Variants in NFS1 observed in about 807,000 individuals in gnomAD.
The protein encoded by NFS1 is cysteine desulfurase.
A neutral mutation model predicts 57.3 loss-of-function variants in NFS1; 26 were observed. The observed-to-expected ratio is 0.45, with a 90% CI of 0.33 to 0.63. The LOEUF (loss-of-function observed/expected upper bound fraction) is 0.63, where lower values mean the gene tolerates loss of function less well. Ranked by LOEUF, NFS1 falls within the 20% of genes least tolerant of loss-of-function variation. The pLI is 0.02. For synonymous variants in NFS1, 209 were observed against 216.3 expected (o/e 0.97, Z 0.30); for missense variants, 505 against 605.8 (o/e 0.83, Z 1.75).
intron 12 of NFS1, 50 bp downstream of exon 12, chr20:35,672,705 G>C (rs769594155): frequency 7.9e-7 from 1 of 1,263,806 alleles, no homozygotes; most frequent in Admixed American, 1.7e-5. Context: ...GACAAGAGGG[G>C]AGACAGTGCT....
rs3841689 is a variant in NFS1, at chr20:35,674,095, A to AC, written c.1136+254dup. The AC allele has an allele frequency of 0.23, 114,962 of 509,490 alleles. 15,159 individuals carry two copies. The highest frequency in any genetic ancestry group is 0.43 in the African/African-American group (22,207 of 51,862). The allele number at this position is 509,490 out of a possible 1,614,324, so 31.6% of individuals were successfully genotyped here. A position where few individuals can be genotyped will look rare whatever the true frequency, so the allele number is the denominator to read the frequency against. ...GGCCTGTAACAGAACTGCTAGTGTA[A>AC]CCCACAACAGACACATACATCCCCT... On this transcript the variant is annotated intron_variant, in intron 10 of 12. Coordinates refer to ENST00000374092, the MANE Select transcript of NFS1 (RefSeq NM_021100.5).
chr20:35,681,853 G>A (rs1287611460), intron 6 of NFS1, 35 bp downstream of exon 6: 2 of 1,220,910 alleles, frequency 1.6e-6, no homozygotes, highest in Non-Finnish European at 2.4e-6. Flanking sequence ...GAGCCCCATG[G>A]TGGGCAGGGA....
At chr20:35,690,832 G>T (rs528731799) in intron 4 of NFS1, among the ~76,000 whole-genome samples, 42 of 152,246 alleles carry the variant, frequency 2.8e-4, no homozygotes, top group Non-Finnish European at 5.0e-4. Context: ...CCATACTTCT[G>T]CCCAGTCAAA....
chr20:35,678,702 C>CA (rs1012189192), intron 7 of NFS1, among the ~76,000 whole-genome samples: 28 of 145,942 alleles, frequency 1.9e-4, no homozygotes, highest in South Asian at 4.4e-4. Flanking sequence ...GACTTTGTCT[C>CA]AAAAAAAAAA....
chr20:35,696,977 A>G lies in NFS1; in HGVS notation c.325-517T>C, dbSNP rs2035145258. On this transcript the variant is annotated intron_variant, in intron 3 of 12. Transcript: ENST00000374092. ...CAAATTTACCCGGGTGTGGTGGCGC[A>G]TGCCTGTAATCCCAGCTACTTGGGA... Among the ~76,000 whole-genome samples the G allele has an allele frequency of 2.0e-5, 3 of 152,164 alleles. 1 individual carries two copies. In the South Asian group the frequency reaches 6.2e-4, roughly 32 times the overall value.
intron 7 of NFS1, among the ~76,000 whole-genome samples, chr20:35,678,848 G>C: frequency 6.6e-6 from 1 of 152,156 alleles, no homozygotes; most frequent in Admixed American, 6.5e-5. Context: ...AACAGAGTGA[G>C]ACCTTGTCCC....
Position 35,672,751 on chromosome 20 carries a change from A to G in NFS1, c.1310+4T>C, listed in dbSNP as rs1437333375. ...CCAAAGCGTCTCTGATACAATATGT[A>G]TACCTCATTTCTCGAAGACGCTTCA... is the stretch of plus-strand genomic sequence containing the variant. On this transcript the variant is annotated splice_donor_region_variant and intron_variant, in intron 12 of 12. Transcript: ENST00000374092. The G allele has an allele frequency of 6.3e-7, 1 of 1,586,722 alleles. No homozygotes were observed. Among genetic ancestry groups the G allele is most frequent in the South Asian group, 1.1e-5 (1 of 90,540 alleles).
At chr20:35,683,514 C>T (rs1243739147) in intron 5 of NFS1, among the ~76,000 whole-genome samples, 5 of 149,978 alleles carry the variant, frequency 3.3e-5, no homozygotes, top group Non-Finnish European at 7.4e-5. Context: ...GGCACGGTGG[C>T]TCACACCTGT....
chr20:35,683,533 C>A (rs1402685778), intron 5 of NFS1, among the ~76,000 whole-genome samples: 1 of 148,934 alleles, frequency 6.7e-6, no homozygotes, highest in Non-Finnish European at 1.5e-5. Flanking sequence ...GTAATCCAAG[C>A]ACTTTGGGAG....
At position 35,699,030 on chromosome 20, in the gene NFS1, C is replaced by G; in HGVS notation, c.97+162G>C. On this transcript the variant is annotated intron_variant, in intron 1 of 12. Transcript: ENST00000374092. The surrounding 1 kb of genome is among the most constrained non-coding windows in gnomAD (Gnocchi z 4.4). ...CGAGGGGTGGTGCGCCGGGGTCAAC[C>G]GTTCGGGGACCCGCCTAAGAAAGTT... The G allele has an allele frequency of 7.6e-7, 1 of 1,321,148 alleles. No homozygotes were observed. Among genetic ancestry groups the G allele is most frequent in the South Asian group, 2.1e-5 (1 of 47,180 alleles). 81.8% of individuals were successfully genotyped at this position (1,321,148 alleles called of 1,614,324 possible). A position where few individuals can be genotyped will look rare whatever the true frequency, so the allele number is the denominator to read the frequency against.
chr20:35,683,099 C>CA (rs374341051), intron 5 of NFS1, among the ~76,000 whole-genome samples: 13 of 150,708 alleles, frequency 8.6e-5, no homozygotes, highest in Non-Finnish European at 1.9e-4. Context: ...CAAAACAAAA[C>CA]AAAAAAACAA....
intron 5 of NFS1, among the ~76,000 whole-genome samples, chr20:35,684,407 CAAAT>C (rs2034903293): frequency 1.6e-5 from 2 of 122,656 alleles, no homozygotes; most frequent in South Asian, 2.6e-4. Flanking sequence ...GACTCCATCT[CAAAT>C]AAATAAAATA....
intron 5 of NFS1, among the ~76,000 whole-genome samples, chr20:35,687,022 C>T (rs542633007): frequency 6.6e-6 from 1 of 152,312 alleles, no homozygotes; most frequent in East Asian, 1.9e-4. Flanking sequence ...TGGACAGGGC[C>T]ACCAGAGGGC....
intron 5 of NFS1, among the ~76,000 whole-genome samples, chr20:35,690,185 G>A (rs932148445): frequency 1.3e-5 from 2 of 151,986 alleles, no homozygotes; most frequent in African/African-American, 2.4e-5. Context: ...GCAAAAGAGT[G>A]AGACTCCATC....
At chr20:35,676,820 C>T (rs2034759657) in intron 7 of NFS1, among the ~76,000 whole-genome samples, 2 of 142,118 alleles carry the variant, frequency 1.4e-5, no homozygotes, top group African/African-American at 5.3e-5. Flanking sequence ...AAGGGAACTG[C>T]ATAGCTGGAG....
chr20:35,690,832 G>A (rs528731799), intron 4 of NFS1, among the ~76,000 whole-genome samples: 1 of 152,128 alleles, frequency 6.6e-6, no homozygotes, highest in Non-Finnish European at 1.5e-5. Context: ...CCATACTTCT[G>A]CCCAGTCAAA....
At chr20:35,696,767 G>A (rs6060564) in intron 3 of NFS1, among the ~76,000 whole-genome samples, 15,565 of 151,916 alleles carry the variant, frequency 0.1, 828 homozygotes, top group South Asian at 0.15. Context: ...TCAGGAGTTC[G>A]AGACCAACCT....
chr20:35,696,533 C>G, intron 3 of NFS1, 73 bp from the exon 4 acceptor site: 1 of 1,166,472 alleles, frequency 8.6e-7, no homozygotes, highest in Non-Finnish European at 1.3e-6. Context: ...ACAGGTGGGA[C>G]AGCCCTGGAG....
intron 1 of NFS1, 164 bp from the exon 2 acceptor site, chr20:35,698,754 T>A: frequency 7.1e-7 from 1 of 1,414,640 alleles, no homozygotes; most frequent in Non-Finnish European, 9.2e-7. Flanking sequence ...CCTGACACGC[T>A]GTAAAAGGAG....
Sources: allele counts gnomAD v4.1 joint callset (sites outside exome capture counted in the v4.1 genomes callset), GRCh38; gene constraint gnomAD v4.1.1; non-coding constraint Gnocchi (gnomAD v3.1); transcripts MANE v1.5; gene names NCBI Gene and HGNC (gene_info 2026-07-23, HGNC 2026-07-21).